NOVA1: variants seen among roughly 807,000 people sequenced by gnomAD.
The protein encoded by NOVA1 is NOVA alternative splicing regulator 1, also known as RNA-binding protein Nova-1.
Under a neutral mutation model 38.0 loss-of-function variants are expected in NOVA1, and 7 were observed. The observed-to-expected ratio is 0.18, with a 90% CI of 0.10 to 0.35. The LOEUF (loss-of-function observed/expected upper bound fraction) is 0.35. NOVA1 is among the 10% of genes least tolerant of loss of function. The pLI is 1.00. For missense variants in NOVA1, 460 were observed against 616.0 expected, an observed-to-expected ratio of 0.75 and a Z score of 2.68; for synonymous variants, 270 against 232.5, an observed-to-expected ratio of 1.16 and a Z score of -1.47.
chr14:26,487,320 G>A (rs552670674), intron 2 of NOVA1, among the ~76,000 whole-genome samples: 1 of 152,160 alleles, frequency 6.6e-6, no homozygotes, highest in African/African-American at 2.4e-5. Flanking sequence ...AAAATTTGAA[G>A]CAATTTAACA....
intron 2 of NOVA1, among the ~76,000 whole-genome samples, chr14:26,525,072 T>C (rs1030475663): frequency 3.3e-5 from 5 of 152,286 alleles, no homozygotes; most frequent in Non-Finnish European, 7.4e-5. Context: ...TAACAAAACA[T>C]GATTTCAGAG....
chr14:26,554,718 A>G (rs901601724), intron 2 of NOVA1, among the ~76,000 whole-genome samples: 1 of 152,192 alleles, frequency 6.6e-6, no homozygotes, highest in Non-Finnish European at 1.5e-5. Context: ...ACTGTATTAT[A>G]AAATGGTTAG....
intron 2 of NOVA1, among the ~76,000 whole-genome samples, chr14:26,504,745 C>T (rs555601270): frequency 1.1e-4 from 16 of 150,186 alleles, no homozygotes; most frequent in African/African-American, 2.9e-4. Flanking sequence ...GTGTCCAATA[C>T]GTAACTGCTG....
chr14:26,499,090 ACTAT>A (rs1356870757), intron 2 of NOVA1, among the ~76,000 whole-genome samples: 1 of 152,214 alleles, frequency 6.6e-6, no homozygotes, highest in African/African-American at 2.4e-5. Flanking sequence ...TGTAGGATGA[ACTAT>A]CTAATGTGCT....
At chr14:26,563,124 C>T (rs1404792376) in intron 2 of NOVA1, among the ~76,000 whole-genome samples, 1 of 151,640 alleles carries the variant, frequency 6.6e-6, no homozygotes, top group Non-Finnish European at 1.5e-5. Flanking sequence ...ATATGTAGCA[C>T]CACATTAAGC....
chr14:26,594,030 C>T (rs565176723), intron 2 of NOVA1: 36 of 151,934 alleles, frequency 2.4e-4, no homozygotes, highest in Admixed American at 3.9e-4. Flanking sequence ...CACAATTCCA[C>T]ATTGATTTTT....
intron 2 of NOVA1, among the ~76,000 whole-genome samples, chr14:26,544,486 A>T (rs1890665974): frequency 6.6e-6 from 1 of 151,984 alleles, no homozygotes; most frequent in Non-Finnish European, 1.5e-5. Flanking sequence ...AAAAAAAAAA[A>T]AAATTAATGC....
intron 2 of NOVA1, among the ~76,000 whole-genome samples, chr14:26,495,000 C>T (rs1049252555): frequency 6.6e-6 from 1 of 152,198 alleles, no homozygotes; most frequent in Non-Finnish European, 1.5e-5. Context: ...CTCTGCTGAG[C>T]TCTCGTCAGT....
chr14:26,510,245 C>T (rs941422625), intron 2 of NOVA1, among the ~76,000 whole-genome samples: 3 of 152,048 alleles, frequency 2.0e-5, no homozygotes, highest in Admixed American at 2.0e-4. Context: ...CACATAATGG[C>T]CCCTGCCTTC....
chr14:26,489,271 C>T (rs1886150482), intron 2 of NOVA1, among the ~76,000 whole-genome samples: 1 of 151,978 alleles, frequency 6.6e-6, no homozygotes, highest in Admixed American at 6.6e-5. Flanking sequence ...CATAAGCCTA[C>T]AAATTCAACT....
chr14:26,472,009 C>A, intron 4 of NOVA1: 1 of 392,038 alleles, frequency 2.6e-6, no homozygotes, highest in Non-Finnish European at 4.5e-6. Flanking sequence ...TAGGAAGATA[C>A]AATAAGGGAG....
rs542391794 is a variant in NOVA1 at position 26,552,690 on chromosome 14, G to A, written c.280+42720C>T. Among the ~76,000 whole-genome samples, 3 of 152,260 alleles carry A rather than the reference G, an allele frequency of 2.0e-5. No individual in the cohort carries two copies. In the East Asian group the frequency reaches 5.8e-4, roughly 29 times the overall value. ...CTGCCCTCTTGAGAATCATGTTAAT[G>A]TAAGTGATATAACTAACTATTAAAT... On this transcript the variant is annotated intron_variant, in intron 2 of 4. Transcript: ENST00000539517.
chr14:26,587,068 A>G (rs1446157774), intron 2 of NOVA1, among the ~76,000 whole-genome samples: 1 of 151,050 alleles, frequency 6.6e-6, no homozygotes, highest in Non-Finnish European at 1.5e-5. Flanking sequence ...ACAAATTCAG[A>G]AAACACATTT....
At chr14:26,521,948 A>T (rs1419530760) in intron 2 of NOVA1, among the ~76,000 whole-genome samples, 1 of 142,880 alleles carries the variant, frequency 7.0e-6, no homozygotes, top group African/African-American at 2.4e-5. Context: ...TTCCTTAATT[A>T]GAGTTCAAAG....
intron 2 of NOVA1, among the ~76,000 whole-genome samples, chr14:26,482,007 A>AAC (rs1885508781): frequency 2.1e-5 from 3 of 143,254 alleles, no homozygotes; most frequent in Non-Finnish European, 3.1e-5. Flanking sequence ...AAAAAAAAAA[A>AAC]AAAAAAACAT....
At chr14:26,478,631 T>C (rs1221152950) in intron 3 of NOVA1, among the ~76,000 whole-genome samples, 1 of 151,910 alleles carries the variant, frequency 6.6e-6, no homozygotes, top group African/African-American at 2.4e-5. Context: ...ACTCTTTGTA[T>C]TCACTGAGGG....
At chr14:26,449,209 CTG>C (rs550366867) in intron 4 of NOVA1, among the ~76,000 whole-genome samples, 87 of 152,184 alleles carry the variant, frequency 5.7e-4, no homozygotes, top group African/African-American at 2.0e-3. Context: ...CCTTGAGTCA[CTG>C]TGAATTTTGC....
intron 2 of NOVA1, among the ~76,000 whole-genome samples, chr14:26,561,720 C>T (rs1891840580): frequency 6.6e-6 from 1 of 151,990 alleles, no homozygotes; most frequent in African/African-American, 2.4e-5. Context: ...AAGTATTTGG[C>T]TAGAATGTTT....
At chr14:26,449,039 A>C in intron 4 of NOVA1, 76 bp from the exon 5 acceptor site, 1 of 1,311,530 alleles carries the variant, frequency 7.6e-7, no homozygotes, top group Non-Finnish European at 1.0e-6. Flanking sequence ...CTATCCTAGA[A>C]AAGTAAAATA....
Sources: allele counts gnomAD v4.1 joint callset (sites outside exome capture counted in the v4.1 genomes callset), GRCh38; gene constraint gnomAD v4.1.1; transcripts MANE v1.5; gene names NCBI Gene and HGNC (gene_info 2026-07-23, HGNC 2026-07-21).